The following SBF2 variants were observed in gnomAD, a reference collection of about 807,000 sequenced individuals.
SBF2 encodes SET binding factor 2.
SBF2 carries 112 observed loss-of-function variants against 225.2 expected under a neutral mutation model. The observed-to-expected ratio is 0.50, with a 90% CI of 0.43 to 0.58. The LOEUF (loss-of-function observed/expected upper bound fraction) is 0.58, where lower values mean the gene tolerates loss of function less well. SBF2 is among the 20% of genes least tolerant of loss of function. The pLI is 0.00. For missense variants in SBF2, 1,996 were observed against 2,206.2 expected, an observed-to-expected ratio of 0.90 and a Z score of 1.91; for synonymous variants, 763 against 773.3, an observed-to-expected ratio of 0.99 and a Z score of 0.22.
At chr11:10,083,927 G>C (rs1951457688) in intron 2 of SBF2, among the ~76,000 whole-genome samples, 1 of 152,088 alleles carries the variant, frequency 6.6e-6, no homozygotes, top group Non-Finnish European at 1.5e-5. Flanking sequence ...CATGCTTGAG[G>C]CCACGAGTTC....
intron 1 of SBF2, among the ~76,000 whole-genome samples, chr11:10,237,173 C>A (rs889269288): frequency 6.6e-6 from 1 of 152,084 alleles, no homozygotes; most frequent in Non-Finnish European, 1.5e-5. Context: ...ATGACAAAAC[C>A]CCATCTCTAC....
intron 2 of SBF2, among the ~76,000 whole-genome samples, chr11:10,048,355 G>C (rs1411069927): frequency 1.3e-5 from 2 of 152,078 alleles, no homozygotes; most frequent in Non-Finnish European, 2.9e-5. Context: ...ATAAACCTAA[G>C]ATATTGGTTG....
At chr11:10,004,754 A>AGT (rs2134524630) in intron 6 of SBF2, among the ~76,000 whole-genome samples, 1 of 152,192 alleles carries the variant, frequency 6.6e-6, no homozygotes, top group South Asian at 2.1e-4. Context: ...GCCAGACTAA[A>AGT]GCTTAAGTGA....
At chr11:10,175,689 C>G (rs1404999734) in intron 2 of SBF2, among the ~76,000 whole-genome samples, 2 of 150,832 alleles carry the variant, frequency 1.3e-5, no homozygotes, top group Non-Finnish European at 2.9e-5. Context: ...AACTCTCCAC[C>G]CCAAATCAAC....
At chr11:9,996,173 T>C (rs1036091356) in intron 9 of SBF2, among the ~76,000 whole-genome samples, 39 of 152,326 alleles carry the variant, frequency 2.6e-4, no homozygotes, top group African/African-American at 9.4e-4. Context: ...TCTTAATCTT[T>C]GTTAATTTTG....
chr11:9,886,250 C>T (rs1393949914), intron 17 of SBF2, among the ~76,000 whole-genome samples: 1 of 152,228 alleles, frequency 6.6e-6, no homozygotes, highest in African/African-American at 2.4e-5. Context: ...CTTTTAACTT[C>T]TATTCCAAAG....
chr11:9,887,490 C>G (rs1169087527), intron 17 of SBF2, among the ~76,000 whole-genome samples: 16 of 151,738 alleles, frequency 1.1e-4, no homozygotes, highest in Non-Finnish European at 1.5e-5. Context: ...GTGGGAGAAG[C>G]CAGGAGAGGT....
chr11:10,157,331 G>A (rs1375027493), intron 2 of SBF2, among the ~76,000 whole-genome samples: 2 of 152,092 alleles, frequency 1.3e-5, no homozygotes, highest in African/African-American at 4.8e-5. Flanking sequence ...GACAACCTAG[G>A]CAATACCATT....
At chr11:10,209,565 G>GT (rs1957862166) in intron 1 of SBF2, among the ~76,000 whole-genome samples, 1 of 151,926 alleles carries the variant, frequency 6.6e-6, no homozygotes, top group South Asian at 2.1e-4. Flanking sequence ...TTTCCTTCTT[G>GT]TAACAGATAG....
intron 1 of SBF2, among the ~76,000 whole-genome samples, chr11:10,219,472 T>C (rs1827283651): frequency 1.3e-5 from 2 of 152,218 alleles, no homozygotes; most frequent in African/African-American, 4.8e-5. Flanking sequence ...CTTAAAGGTC[T>C]CTGACATGCC....
Position 9,993,113 on chromosome 11 carries a change from T to TA in SBF2, c.1054-11dup. The TA allele has an allele frequency of 6.3e-7, 1 of 1,577,264 alleles. No individual in the cohort carries two copies. The highest frequency in any genetic ancestry group is 1.1e-5 in the South Asian group (1 of 90,292). On this transcript the variant is annotated splice_polypyrimidine_tract_variant and intron_variant, in intron 10 of 39. Transcript: ENST00000256190. ...CTCGCACCTCTTTATCCTAAAAATATAAGAAGAAATGTTAGGTAATTTAAC... is the reference window on the plus strand; with the variant it reads ...CTCGCACCTCTTTATCCTAAAAATATAAAGAAGAAATGTTAGGTAATTTAAC...
Position 9,816,949 on chromosome 11 carries a change from A to G in SBF2, c.3869T>C (p.Leu1290Pro). 1 of 1,614,204 alleles carries G rather than the reference A, an allele frequency of 6.2e-7. No individual in the cohort carries two copies. The highest frequency in any genetic ancestry group is 1.1e-5 in the South Asian group (1 of 91,090). The change falls in exon 29 of 40, where the codon CTG becomes CCG. Residue 1290 changes from leucine to proline, a missense_variant. Transcript: ENST00000256190. ...PTSFIDVGAR[L>P]AGKDHSASFS... ...GGAGGCCGAGTGATCCTTGCCTGCC[A>G]GCCGGGCGCCAACATCAATGAAGGA...
chr11:10,270,994 C>CAAA lies in SBF2; in HGVS notation c.55+23018_55+23020dup, dbSNP rs1180184303. 2.8e-3 allele frequency among the ~76,000 whole-genome samples: 77 copies of CAAA among 27,672 alleles called. 6 individuals carry two copies. The highest frequency in any genetic ancestry group is 0.015 in the East Asian group (17 of 1,104). 18.2% of individuals were successfully genotyped at this position (27,672 alleles called of 152,430 possible). ...TGGGCGACAGAGCAAGACTCTGTCT[C>CAAA]AAAAAAAAAAAAAAAAAAAAAAAAA... On this transcript the variant is annotated intron_variant, in intron 1 of 39. Transcript: ENST00000256190.
At chr11:10,105,154 T>C (rs1029923742) in intron 2 of SBF2, among the ~76,000 whole-genome samples, 1 of 151,626 alleles carries the variant, frequency 6.6e-6, no homozygotes, top group African/African-American at 2.4e-5. Flanking sequence ...TTGTGAACGA[T>C]GGGCTACAGA....
chr11:10,275,180 G>A (rs1314834780), intron 1 of SBF2, among the ~76,000 whole-genome samples: 2 of 151,962 alleles, frequency 1.3e-5, no homozygotes, highest in South Asian at 2.1e-4. Context: ...AAAGGAGACC[G>A]AGAAAAGAGA....
At chr11:9,878,148 T>C (rs1053950914) in intron 17 of SBF2, among the ~76,000 whole-genome samples, 2 of 152,250 alleles carry the variant, frequency 1.3e-5, no homozygotes, top group Admixed American at 1.3e-4. Flanking sequence ...TGATGACCAA[T>C]GATGATGAGC....
At chr11:10,262,930 T>C (rs1400735700) in intron 1 of SBF2, among the ~76,000 whole-genome samples, 1 of 151,980 alleles carries the variant, frequency 6.6e-6, no homozygotes, top group African/African-American at 2.4e-5. Flanking sequence ...AGGGAGTCTA[T>C]AATTTTACTA....
At chr11:9,854,702 C>T (rs1857192405) in intron 19 of SBF2, among the ~76,000 whole-genome samples, 1 of 152,172 alleles carries the variant, frequency 6.6e-6, no homozygotes, top group African/African-American at 2.4e-5. Flanking sequence ...CAGTGATTCT[C>T]CAGCCTCAGC....
rs149229069 is a variant in SBF2 at position 10,113,366 on chromosome 11, A to G, written c.142-70385T>C. 3.6e-3 allele frequency among the ~76,000 whole-genome samples: 550 copies of G among 152,348 alleles called. 4 individuals are homozygous for G. Among genetic ancestry groups the G allele is most frequent in the African/African-American group, 0.012 (493 of 41,578 alleles). On this transcript the variant is annotated intron_variant, in intron 2 of 39. Transcript: ENST00000256190. ...TAAAAATCTTAAGTATTTAAACCTG[A>G]AATATCTGCAGAGAATAAATAATAA...
Sources: gnomAD v4.1 joint callset for allele counts (sites outside exome capture counted in the v4.1 genomes callset) on GRCh38, gnomAD v4.1.1 for gene constraint, MANE v1.5 for transcripts, NCBI Gene and HGNC (gene_info 2026-07-23, HGNC 2026-07-21) for gene names.